The following FRY variants were observed in gnomAD, a reference collection of about 807,000 sequenced individuals.
FRY encodes protein furry homolog.
FRY carries 128 observed loss-of-function variants against 348.4 expected under a neutral mutation model. The ratio of observed to expected loss-of-function variants is 0.37; its 90% confidence interval spans 0.32 to 0.43. The LOEUF (loss-of-function observed/expected upper bound fraction) is 0.43. Ranked by LOEUF, FRY falls within the 20% of genes least tolerant of loss-of-function variation. The pLI, the probability that FRY is intolerant of heterozygous loss-of-function variation, is 1.00. For synonymous variants in FRY, 1,370 were observed against 1,374.7 expected, an observed-to-expected ratio of 1.00 and a Z score of 0.08; for missense variants, 2,736 against 3,695.2, an observed-to-expected ratio of 0.74 and a Z score of 6.73.
rs74443713 is a variant in FRY, at chr13:32,137,108, A to AT, written c.1179+138dup. 17 of 679,658 alleles carry AT rather than the reference A, an allele frequency of 2.5e-5. No homozygotes were observed. The East Asian group carries it at 4.4e-4, about 17-fold the overall frequency. 42.1% of individuals were successfully genotyped at this position (679,658 alleles called of 1,614,324 possible). A position where few individuals can be genotyped will look rare whatever the true frequency, so the allele number is the denominator to read the frequency against. ...TATACTGGTGGAATAATGAAAAAAT[A>AT]TTAATAAGAGTTCTTATTAAATATA... On this transcript the variant is annotated intron_variant, in intron 11 of 60. Transcript: ENST00000542859.
chr13:32,049,591 C>T (rs1873215323), intron 1 of FRY, among the ~76,000 whole-genome samples: 1 of 152,174 alleles, frequency 6.6e-6, no homozygotes, highest in East Asian at 1.9e-4. Flanking sequence ...CTCGCCACCA[C>T]ACCCAACCCC....
In FRY at chr13:32,131,769, A is replaced by T; in HGVS notation, c.814A>T (p.Met272Leu). 6.2e-7 allele frequency: 1 copy of T among 1,613,378 alleles called. No homozygotes were observed. Among genetic ancestry groups the T allele is most frequent in the Non-Finnish European group, 8.5e-7 (1 of 1,179,252 alleles). The change falls in exon 8 of 61, where the codon ATG becomes TTG. Residue 272 changes from methionine (M) to leucine (L), a missense_variant. Met to Leu is a conservative substitution (Grantham distance 15, BLOSUM62 2). This residue lies in a region of FRY where 309 missense variants were observed against 418.1 expected (regional missense o/e 0.74). Transcript: ENST00000542859. ...YVVQSIISLI[M>L]GMKFFRIKMY... ...GGTTCAAAGCATTATCAGCTTAATAATGGGCATGAAATTCTTTCGAATTAA... is the reference window on the plus strand; with the variant it reads ...GGTTCAAAGCATTATCAGCTTAATATTGGGCATGAAATTCTTTCGAATTAA...
chr13:32,123,441 C>A (rs981697077), intron 4 of FRY, among the ~76,000 whole-genome samples: 1 of 152,152 alleles, frequency 6.6e-6, no homozygotes, highest in African/African-American at 2.4e-5. Context: ...TTCACTAAGT[C>A]TCAAGTGGCA....
intron 1 of FRY, among the ~76,000 whole-genome samples, chr13:32,064,463 G>A (rs2138457733): frequency 6.6e-6 from 1 of 151,000 alleles, no homozygotes; most frequent in Non-Finnish European, 1.5e-5. Flanking sequence ...TGCAATTATA[G>A]TCCTGTGTGT....
chr13:32,091,538 G>T (rs1322813070), intron 2 of FRY, among the ~76,000 whole-genome samples: 1 of 152,220 alleles, frequency 6.6e-6, no homozygotes. Flanking sequence ...TGGTTCATAC[G>T]AAGTAGAGTG....
chr13:32,274,705 A>C (rs1042401230), intron 55 of FRY, 137 bp from the exon 56 acceptor site: 1,467 of 19,758 alleles, frequency 0.074, 16 homozygotes, highest in African/African-American at 0.18. Context: ...TTCTGTCTCA[A>C]AAAAAAAAAA....
chr13:32,117,876 C>T (rs747500487), intron 4 of FRY, among the ~76,000 whole-genome samples: 1 of 152,128 alleles, frequency 6.6e-6, no homozygotes, highest in Non-Finnish European at 1.5e-5. Context: ...GTGGGAAGGA[C>T]GCTGGACTGG....
chr13:32,232,475 C>G (rs928328388), intron 41 of FRY, among the ~76,000 whole-genome samples: 2 of 152,186 alleles, frequency 1.3e-5, no homozygotes, highest in African/African-American at 4.8e-5. Context: ...AGCTCAGAGG[C>G]TTAACACAAC....
At position 32,136,963 on chromosome 13, in the gene FRY, C is replaced by A. The variant is rs751370366; in HGVS notation, c.1170C>A (p.Ser390=). The part of the protein sequence containing the change: ...RWHIFLNNCL[S]NLKNKDPKMA... ...ACATTTTCCTCAACAACTGCTTGTCCAACCTTAAAGTTAGTATTTGTCAGC... is the reference window on the plus strand; with the variant it reads ...ACATTTTCCTCAACAACTGCTTGTCAAACCTTAAAGTTAGTATTTGTCAGC... Residue 390 remains serine (S), a synonymous_variant, in exon 11 of 61, where the codon TCC becomes TCA. Transcript: ENST00000542859. 2 of 1,564,680 alleles carry A rather than the reference C, an allele frequency of 1.3e-6. No homozygotes were observed. The highest frequency in any genetic ancestry group is 2.2e-5 in the South Asian group (2 of 90,088).
At chr13:32,223,798 G>A (rs1344800013) in intron 36 of FRY, among the ~76,000 whole-genome samples, 45 of 151,922 alleles carry the variant, frequency 3.0e-4, no homozygotes, top group Admixed American at 3.0e-3. Flanking sequence ...GCATGATCTC[G>A]GTCCACTGCA....
At chr13:32,188,618 C>G (rs989469416) in intron 28 of FRY, among the ~76,000 whole-genome samples, 1 of 152,062 alleles carries the variant, frequency 6.6e-6, no homozygotes, top group South Asian at 2.1e-4. Context: ...AGTCAACAAG[C>G]GAAATTCCTT....
In FRY at chr13:32,262,408, C is replaced by A. The variant is rs1420594280; in HGVS notation, c.7712C>A (p.Thr2571Asn). Reference protein sequence around the residue: ...STPAEPHSFNTRMSSFDASLP... With the variant: ...STPAEPHSFNNRMSSFDASLP... ...CCTGCAGAACCTCATTCCTTTAACA[C>A]CAGAATGTCCAGCTTTGATGCTTCC... Residue 2571 changes from threonine (T) to asparagine (N), a missense_variant, in exon 53 of 61, where the codon ACC (threonine) becomes AAC (asparagine). Physicochemically the swap from Thr to Asn is moderately conservative, Grantham distance 65. Transcript: ENST00000542859. 1 of 1,613,082 alleles carries A rather than the reference C, an allele frequency of 6.2e-7. No homozygotes were observed. Among genetic ancestry groups the A allele is most frequent in the Admixed American group, 1.7e-5 (1 of 59,998 alleles).
chr13:32,205,036 C>G (rs1197716344), intron 31 of FRY, among the ~76,000 whole-genome samples: 1 of 152,022 alleles, frequency 6.6e-6, no homozygotes, highest in Non-Finnish European at 1.5e-5. Flanking sequence ...AACCCTGTCT[C>G]TACTAAAAAT....
intron 3 of FRY, among the ~76,000 whole-genome samples, chr13:32,111,552 AG>A (rs1292768585): frequency 6.6e-6 from 1 of 152,128 alleles, no homozygotes; most frequent in Non-Finnish European, 1.5e-5. Context: ...AGGAAGAGGA[AG>A]CATCAGCATT....
At position 32,244,037 on chromosome 13, in the gene FRY, C is replaced by T. The variant is rs200157535; in HGVS notation, c.6688-5C>T. Reference sequence around the variant, plus strand: ...ACTGACTCCAGCCGCACTTTGCCCCCACAGCTGCTGGAGAAGGGCCTCCCT... The same window carrying T: ...ACTGACTCCAGCCGCACTTTGCCCCTACAGCTGCTGGAGAAGGGCCTCCCT... On this transcript the variant is annotated splice_region_variant and splice_polypyrimidine_tract_variant and intron_variant, in intron 46 of 60. Transcript: ENST00000542859. 8.7e-6 allele frequency: 14 copies of T among 1,613,794 alleles called. No individual in the cohort carries two copies. The African/African-American group carries it at 1.2e-4, about 14-fold the overall frequency.
chr13:32,248,795 A>G (rs1185252316), intron 48 of FRY, among the ~76,000 whole-genome samples: 1 of 152,138 alleles, frequency 6.6e-6, no homozygotes, highest in African/African-American at 2.4e-5. Flanking sequence ...TTTCTCTGCA[A>G]TTTGAGTTTG....
Position 32,237,951 on chromosome 13 carries a change from C to A in FRY, c.6383C>A (p.Ser2128Tyr). 1 of 1,614,052 alleles carries A rather than the reference C, an allele frequency of 6.2e-7. No homozygotes were observed. Among genetic ancestry groups the A allele is most frequent in the African/African-American group, 1.3e-5 (1 of 75,046 alleles). The change falls in exon 44 of 61, where the codon TCC (serine) becomes TAC (tyrosine). Residue 2128 changes from serine (S) to tyrosine (Y), a missense_variant. Physicochemically the swap from Ser to Tyr is moderately radical, Grantham distance 144. Around this residue, in one of 9 missense-constraint regions of FRY, gnomAD observed 789 missense variants for 996.2 expected, o/e 0.79. Coordinates refer to ENST00000542859, the MANE Select transcript of FRY (RefSeq NM_023037.3). This position sits in a 1 kb window ranked among gnomAD's most constrained non-coding sequence, Gnocchi z 6.3. ...CTCTTCAGTCTGCTGACACCAGTGT[C>A]CAAAATATCCATGGTGGATGCATCC... ...LQLFSLLTPV[S>Y]KISMVDASHA...
intron 55 of FRY, among the ~76,000 whole-genome samples, chr13:32,273,713 G>A (rs1285735831): frequency 6.6e-6 from 1 of 152,146 alleles, no homozygotes; most frequent in Non-Finnish European, 1.5e-5. Flanking sequence ...GCTGTCTCAA[G>A]GAGCTCTGAT....
chr13:32,034,051 TGCACCTGCAC>T (rs951642990), intron 1 of FRY, among the ~76,000 whole-genome samples: 1 of 152,230 alleles, frequency 6.6e-6, no homozygotes, highest in Non-Finnish European at 1.5e-5. Flanking sequence ...TGCACCTGCA[TGCACCTGCAC>T]GCGCATGCCT....
Sources: allele counts gnomAD v4.1 joint callset (sites outside exome capture counted in the v4.1 genomes callset), GRCh38; gene constraint gnomAD v4.1.1; regional missense constraint gnomAD v4.1.1; non-coding constraint Gnocchi (gnomAD v3.1); transcripts MANE v1.5; gene names NCBI Gene and HGNC (gene_info 2026-07-23, HGNC 2026-07-21).